Variants in VANGL1 observed in about 807,000 individuals in gnomAD.
VANGL1 encodes VANGL planar cell polarity protein 1.
In VANGL1, 18 loss-of-function variants were observed where a neutral mutation model predicts 48.4. That is an observed-to-expected ratio of 0.37 (90% confidence interval 0.26 to 0.55). VANGL1 has a LOEUF of 0.55. Ranked by LOEUF, VANGL1 falls within the 20% of genes least tolerant of loss-of-function variation. VANGL1 has a pLI of 0.81. For missense variants in VANGL1, 667 were observed against 675.8 expected (o/e 0.99, Z 0.14); for synonymous variants, 257 against 261.8 (o/e 0.98, Z 0.18).
At chr1:115,673,662 C>T (rs944265917) in intron 4 of VANGL1, among the ~76,000 whole-genome samples, 11 of 141,914 alleles carry the variant, frequency 7.8e-5, no homozygotes, top group South Asian at 2.2e-4. Flanking sequence ...TGCCTTAGTG[C>T]GATCTCAGCT....
At chr1:115,666,341 T>A (rs911338410) in intron 4 of VANGL1, among the ~76,000 whole-genome samples, 6 of 152,188 alleles carry the variant, frequency 3.9e-5, no homozygotes, top group African/African-American at 1.4e-4. Flanking sequence ...CTGGTTGAGC[T>A]GCACACTGCA....
Position 115,691,800 on chromosome 1 carries a change from G to T in VANGL1, c.*421G>T, listed in dbSNP as rs183137974. 14 of 179,654 alleles carry T rather than the reference G, an allele frequency of 7.8e-5. No individual in the cohort carries two copies. Among genetic ancestry groups the T allele is most frequent in the Admixed American group, 7.6e-4 (14 of 18,402 alleles). The allele number at this position is 179,654 out of a possible 1,614,324, so 11.1% of individuals were successfully genotyped here. A position where few individuals can be genotyped will look rare whatever the true frequency, so the allele number is the denominator to read the frequency against. Reference sequence around the variant, plus strand: ...TGTTTCAGGAAACCAGTCACGACACGTCCACATATGTATTTGTGTATGTTA... The same window carrying T: ...TGTTTCAGGAAACCAGTCACGACACTTCCACATATGTATTTGTGTATGTTA... On this transcript the variant is annotated 3_prime_UTR_variant, in exon 8 of 8. Coordinates refer to ENST00000355485, the MANE Select transcript of VANGL1 (RefSeq NM_138959.3).
chr1:115,682,308 A>G (rs1212583414), intron 4 of VANGL1, 56 bp from the exon 5 acceptor site: 3 of 1,608,104 alleles, frequency 1.9e-6, no homozygotes, highest in Non-Finnish European at 8.5e-7. Flanking sequence ...TTTTTCGTTT[A>G]GGACCTGCTT....
chr1:115,681,093 A>G (rs978603448), intron 4 of VANGL1, among the ~76,000 whole-genome samples: 24 of 152,188 alleles, frequency 1.6e-4, no homozygotes, highest in Admixed American at 3.9e-4. Context: ...TATTAAATGC[A>G]TACTGTTGTG....
chr1:115,676,263 C>T (rs991740499), intron 4 of VANGL1, among the ~76,000 whole-genome samples: 1 of 152,096 alleles, frequency 6.6e-6, no homozygotes, highest in Non-Finnish European at 1.5e-5. Flanking sequence ...GGATGCCTCC[C>T]TATAGGTAGG....
intron 1 of VANGL1, among the ~76,000 whole-genome samples, chr1:115,649,461 A>G (rs1424438267): frequency 6.6e-6 from 1 of 152,196 alleles, no homozygotes; most frequent in East Asian, 1.9e-4. Context: ...TTGTGGCAGG[A>G]AGGCCGGCAC....
At chr1:115,645,934 C>T (rs1418878837) in intron 1 of VANGL1, among the ~76,000 whole-genome samples, 1 of 152,166 alleles carries the variant, frequency 6.6e-6, no homozygotes, top group East Asian at 1.9e-4. Context: ...CAAACCAGAG[C>T]TCCCTTAATT....
In VANGL1 at chr1:115,642,574, G is replaced by C. The variant is rs1012719402; in HGVS notation, c.-138+488G>C. 3.9e-5 allele frequency: 6 copies of C among 152,242 alleles called. No homozygotes were observed. In the South Asian group the frequency reaches 8.3e-4, roughly 21 times the overall value. The allele number at this position is 152,242 out of a possible 1,614,324, so 9.4% of individuals were successfully genotyped here. ...TCCCACCCCTGGCGGGGCTCGACCC[G>C]GGCGCCGCCTGGCCCTTCGCCAGGA... On this transcript the variant is annotated intron_variant, in intron 1 of 7. Transcript: ENST00000355485.
intron 3 of VANGL1, among the ~76,000 whole-genome samples, chr1:115,660,679 A>G (rs1652514783): frequency 6.6e-6 from 1 of 152,200 alleles, no homozygotes; most frequent in Non-Finnish European, 1.5e-5. Context: ...GGTGTATGAT[A>G]CACAGCTGTA....
chr1:115,655,015 T>C (rs931865047), intron 2 of VANGL1, among the ~76,000 whole-genome samples: 1 of 152,150 alleles, frequency 6.6e-6, no homozygotes, highest in Non-Finnish European at 1.5e-5. Context: ...GGGTGACTCA[T>C]GTGATTGATG....
At position 115,651,344 on chromosome 1, in the gene VANGL1, T is replaced by C; in HGVS notation, c.-70T>C. 3 of 1,387,768 alleles carry C rather than the reference T, an allele frequency of 2.2e-6. No homozygotes were observed. Among genetic ancestry groups the C allele is most frequent in the Non-Finnish European group, 3.1e-6 (3 of 982,422 alleles). The allele number at this position is 1,387,768 out of a possible 1,614,324, so 86.0% of individuals were successfully genotyped here. ...ACTCCTTGAGGTTTTAGGAGTCTGGTAGGTGAAATTTTCTACCTCTAAGGA... is the reference window on the plus strand; with the variant it reads ...ACTCCTTGAGGTTTTAGGAGTCTGGCAGGTGAAATTTTCTACCTCTAAGGA... On this transcript the variant is annotated 5_prime_UTR_variant, in exon 2 of 8. Transcript: ENST00000355485.
At chr1:115,649,190 A>G (rs1652045801) in intron 1 of VANGL1, among the ~76,000 whole-genome samples, 1 of 152,226 alleles carries the variant, frequency 6.6e-6, no homozygotes. Flanking sequence ...AAGATGACTC[A>G]GCCCTTGAAG....
chr1:115,655,896 C>T (rs1652336452), intron 2 of VANGL1, among the ~76,000 whole-genome samples: 1 of 152,224 alleles, frequency 6.6e-6, no homozygotes, highest in African/African-American at 2.4e-5. Flanking sequence ...GACTGGAAGG[C>T]ACTGAATGCC....
intron 3 of VANGL1, among the ~76,000 whole-genome samples, chr1:115,661,950 C>T (rs1378296505): frequency 2.0e-5 from 3 of 152,116 alleles, no homozygotes; most frequent in African/African-American, 7.2e-5. Flanking sequence ...TTGGATAAAA[C>T]CTGAGAGTGG....
rs1256782704 is a variant in VANGL1, at chr1:115,659,549, T to C, written c.72-92T>C. 48 of 1,502,564 alleles carry C rather than the reference T, an allele frequency of 3.2e-5. No individual in the cohort carries two copies. In the East Asian group the frequency reaches 1.1e-3, roughly 34 times the overall value. 93.1% of individuals were successfully genotyped at this position (1,502,564 alleles called of 1,614,324 possible). A position where few individuals can be genotyped will look rare whatever the true frequency, so the allele number is the denominator to read the frequency against. On this transcript the variant is annotated intron_variant, in intron 2 of 7. Coordinates refer to ENST00000355485, the MANE Select transcript of VANGL1 (RefSeq NM_138959.3). ...TGTGTGTGTGTGTGTGTATGTAGAA[T>C]TTCCCTAAATTCAAAATGATACTTA... is the stretch of plus-strand genomic sequence containing the variant.
At chr1:115,676,907 G>GC (rs1337748513) in intron 4 of VANGL1, among the ~76,000 whole-genome samples, 2 of 152,192 alleles carry the variant, frequency 1.3e-5, no homozygotes, top group Non-Finnish European at 2.9e-5. Flanking sequence ...GGTAATCAGG[G>GC]TTTTCTGTGC....
rs754046277 is a variant in VANGL1, at chr1:115,663,960, G to C, written c.504G>C (p.Trp168Cys). The C allele has an allele frequency of 3.1e-6, 5 of 1,614,190 alleles. No homozygotes were observed. The highest frequency in any genetic ancestry group is 4.2e-6 in the Non-Finnish European group (5 of 1,180,044). Residue 168 changes from tryptophan to cysteine, a missense_variant, in exon 4 of 8, where the codon TGG becomes TGC. Transcript: ENST00000355485. ...FKLLILLIGT[W>C]ALFFRKRRAD... ...TCCTCATTCTGCTCATAGGGACCTG[G>C]GCACTTTTTTTCCGCAAGCGGAGAG... is the stretch of plus-strand genomic sequence containing the variant.
At chr1:115,656,616 G>A (rs1652364264) in intron 2 of VANGL1, among the ~76,000 whole-genome samples, 1 of 152,218 alleles carries the variant, frequency 6.6e-6, no homozygotes, top group Admixed American at 6.5e-5. Flanking sequence ...CCTTGCTTGG[G>A]TTATCAGATA....
rs1477141361 is a variant in VANGL1 at position 115,690,093 on chromosome 1, A to G, written c.1315-1026A>G. The stretch of plus-strand genomic sequence containing the variant: ...AGTGTATTTATTTGATTTAATTCGC[A>G]TGCTGTCAAACTCCTAGTATGTGCT... On this transcript the variant is annotated intron_variant, in intron 7 of 7. Transcript: ENST00000355485. Among the ~76,000 whole-genome samples, 3 of 138,752 alleles carry G rather than the reference A, an allele frequency of 2.2e-5. 1 individual carries two copies. Among genetic ancestry groups the G allele is most frequent in the Non-Finnish European group, 4.7e-5 (3 of 63,418 alleles). The allele number at this position is 138,752 out of a possible 152,430, so 91.0% of individuals were successfully genotyped here.
Sources: allele counts gnomAD v4.1 joint callset (sites outside exome capture counted in the v4.1 genomes callset), GRCh38; gene constraint gnomAD v4.1.1; transcripts MANE v1.5; gene names NCBI Gene and HGNC (gene_info 2026-07-23, HGNC 2026-07-21).